NELL1: variants seen among roughly 807,000 people sequenced by gnomAD.
NELL1 encodes the protein neural EGFL like 1.
In NELL1, 76 loss-of-function variants were observed where a neutral mutation model predicts 107.4. That is an observed-to-expected ratio of 0.71 (90% CI 0.59 to 0.86). The LOEUF (loss-of-function observed/expected upper bound fraction) is 0.86, where lower values mean the gene tolerates loss of function less well. Among genes scored for constraint, NELL1 ranks in the 40% least tolerant of loss-of-function variants. The probability of loss-of-function intolerance (pLI) is 0.00; values close to 1 mark genes in which losing one functional copy is unlikely to be tolerated. For missense variants in NELL1, 1,024 were observed against 1,005.5 expected (o/e 1.02, Z -0.25); for synonymous variants, 353 against 341.2 (o/e 1.03, Z -0.38).
chr11:20,936,255 C>G (rs1850722660), intron 9 of NELL1, among the ~76,000 whole-genome samples: 1 of 152,120 alleles, frequency 6.6e-6, no homozygotes, highest in Non-Finnish European at 1.5e-5. Context: ...ATCAAGAGAA[C>G]TTCACCTTGG....
Position 21,149,902 on chromosome 11 carries a change from C to T in NELL1, c.1426+36188C>T, listed in dbSNP as rs536989667. Among the ~76,000 whole-genome samples the T allele has an allele frequency of 6.4e-4, 98 of 152,018 alleles. 1 individual carries two copies. In the Middle Eastern group the frequency reaches 0.014, roughly 21 times the overall value. On this transcript the variant is annotated intron_variant, in intron 13 of 19. Coordinates refer to ENST00000357134, the MANE Select transcript of NELL1 (RefSeq NM_006157.5). ...TACCAGTGAATGACAAACACTATGACGGAAACAAAACAGAGTGAAGCTGTA... is the reference window on the plus strand; with the variant it reads ...TACCAGTGAATGACAAACACTATGATGGAAACAAAACAGAGTGAAGCTGTA...
intron 4 of NELL1, among the ~76,000 whole-genome samples, chr11:20,862,076 A>G (rs1157217012): frequency 6.6e-6 from 1 of 152,214 alleles, no homozygotes; most frequent in Non-Finnish European, 1.5e-5. Flanking sequence ...GGGACACCCT[A>G]TGTGTCCTTT....
chr11:21,051,917 C>A (rs1005656438), intron 12 of NELL1, among the ~76,000 whole-genome samples: 5 of 151,972 alleles, frequency 3.3e-5, no homozygotes, highest in African/African-American at 1.2e-4. Context: ...AGAAAATAAA[C>A]ATAATAGATA....
intron 9 of NELL1, among the ~76,000 whole-genome samples, chr11:20,936,802 A>G (rs889656479): frequency 2.0e-5 from 3 of 152,222 alleles, no homozygotes; most frequent in African/African-American, 7.2e-5. Flanking sequence ...AGAGGGTTTT[A>G]TAACTAGTAA....
chr11:21,034,661 T>C (rs922673186), intron 12 of NELL1, among the ~76,000 whole-genome samples: 24 of 152,074 alleles, frequency 1.6e-4, no homozygotes, highest in Admixed American at 1.4e-3. Flanking sequence ...GGGTAAATAA[T>C]GAAATTAAGG....
intron 14 of NELL1, among the ~76,000 whole-genome samples, chr11:21,245,862 T>G (rs550000466): frequency 6.6e-6 from 1 of 152,266 alleles, no homozygotes; most frequent in East Asian, 1.9e-4. Flanking sequence ...AGGGGAAGGT[T>G]TTAAGCTGTA....
chr11:21,175,685 G>T (rs931045349), intron 13 of NELL1, among the ~76,000 whole-genome samples: 1 of 151,842 alleles, frequency 6.6e-6, no homozygotes, highest in Non-Finnish European at 1.5e-5. Flanking sequence ...TGGCAGCTCC[G>T]ATGCTACAGT....
intron 15 of NELL1, among the ~76,000 whole-genome samples, chr11:21,479,066 G>A (rs1376742702): frequency 6.6e-6 from 1 of 152,136 alleles, no homozygotes; most frequent in Non-Finnish European, 1.5e-5. Context: ...GTGGAGAAAG[G>A]AGAACCTTCT....
rs554248847 is a variant in NELL1, at chr11:21,230,737, A to G, written c.1549+1283A>G. On this transcript the variant is annotated intron_variant, in intron 14 of 19. Transcript: ENST00000357134. Reference sequence around the variant, plus strand: ...ATTGGGGAAGAATTTTAAAAGATCAATTTTATTCTGTGTTGGTTAAGGTGA... The same window carrying G: ...ATTGGGGAAGAATTTTAAAAGATCAGTTTTATTCTGTGTTGGTTAAGGTGA... Among the ~76,000 whole-genome samples, 21 of 152,318 alleles carry G rather than the reference A, an allele frequency of 1.4e-4. No individual in the cohort carries two copies. The South Asian group carries it at 3.1e-3, about 23-fold the overall frequency.
intron 15 of NELL1, among the ~76,000 whole-genome samples, chr11:21,489,259 T>G (rs867222751): frequency 3.3e-5 from 5 of 150,384 alleles, no homozygotes; most frequent in Non-Finnish European, 7.4e-5. Context: ...AGACCAATAA[T>G]GAGTAGTCAG....
At chr11:20,745,573 T>A (rs1262603906) in intron 2 of NELL1, among the ~76,000 whole-genome samples, 2 of 152,224 alleles carry the variant, frequency 1.3e-5, no homozygotes, top group South Asian at 2.1e-4. Context: ...TTTAGTTGAC[T>A]GTTAACAAAT....
intron 12 of NELL1, among the ~76,000 whole-genome samples, chr11:20,964,807 G>A (rs909721245): frequency 4.6e-5 from 7 of 152,214 alleles, no homozygotes; most frequent in Middle Eastern, 3.4e-3. Flanking sequence ...ATTCCACATC[G>A]TTCTCTTTTC....
intron 1 of NELL1, among the ~76,000 whole-genome samples, chr11:20,676,676 A>G (rs1270589583): frequency 6.6e-6 from 1 of 152,222 alleles, no homozygotes; most frequent in African/African-American, 2.4e-5. Flanking sequence ...AGGAAAGAGT[A>G]GATTTCCTTC....
chr11:21,320,991 T>C lies in NELL1; in HGVS notation c.1550-49862T>C, dbSNP rs537895074. Among the ~76,000 whole-genome samples the C allele has an allele frequency of 2.9e-4, 44 of 152,330 alleles. No individual in the cohort carries two copies. The South Asian group carries it at 8.7e-3, about 30-fold the overall frequency. On this transcript the variant is annotated intron_variant, in intron 14 of 19. Coordinates refer to ENST00000357134, the MANE Select transcript of NELL1 (RefSeq NM_006157.5). ...TGTGTGCCTGGAGGAAGCTGTTACA[T>C]GTGGGGCAATCAATACATTCTAGAA...
At chr11:20,821,014 C>T (rs895192993) in intron 3 of NELL1, among the ~76,000 whole-genome samples, 3 of 152,182 alleles carry the variant, frequency 2.0e-5, no homozygotes, top group African/African-American at 4.8e-5. Context: ...ATGCATGGCA[C>T]CTTGTAGATG....
intron 5 of NELL1, among the ~76,000 whole-genome samples, chr11:20,891,371 A>T (rs1294723897): frequency 1.3e-5 from 2 of 152,184 alleles, no homozygotes; most frequent in East Asian, 3.8e-4. Context: ...AACAATAAAT[A>T]TGGAAAGGAA....
rs770422712 is a variant in NELL1 at position 20,862,346 on chromosome 11, C to T, written c.506+14593C>T. ...GCATAGCAAAATTGAACAGGAAGTACGGAGAGTTTCCATATACCCCGTCAC... is the reference window on the plus strand; with the variant it reads ...GCATAGCAAAATTGAACAGGAAGTATGGAGAGTTTCCATATACCCCGTCAC... On this transcript the variant is annotated intron_variant, in intron 4 of 19. Transcript: ENST00000357134. Among the ~76,000 whole-genome samples, 9 of 151,962 alleles carry T rather than the reference C, an allele frequency of 5.9e-5. No homozygotes were observed. In the South Asian group the frequency reaches 8.3e-4, roughly 14 times the overall value.
intron 14 of NELL1, among the ~76,000 whole-genome samples, chr11:21,300,404 G>A (rs1328848946): frequency 6.6e-6 from 1 of 151,972 alleles, no homozygotes. Flanking sequence ...CAGAAAAAGG[G>A]CTTTAGGTTT....
At chr11:21,106,899 T>C (rs946160659) in intron 12 of NELL1, among the ~76,000 whole-genome samples, 1 of 152,176 alleles carries the variant, frequency 6.6e-6, no homozygotes, top group African/African-American at 2.4e-5. Flanking sequence ...CTGTGTTCCT[T>C]TGGGCAAGTT....
Sources: gnomAD v4.1 joint callset for allele counts (sites outside exome capture counted in the v4.1 genomes callset) on GRCh38, gnomAD v4.1.1 for gene constraint, MANE v1.5 for transcripts, NCBI Gene and HGNC (gene_info 2026-07-23, HGNC 2026-07-21) for gene names.